Variants in HS6ST3 observed in about 807,000 individuals in gnomAD.
The protein encoded by HS6ST3 is heparan-sulfate 6-O-sulfotransferase 3.
A neutral mutation model predicts 36.7 loss-of-function variants in HS6ST3; 12 were observed. The ratio of observed to expected loss-of-function variants is 0.33; its 90% confidence interval spans 0.21 to 0.53. HS6ST3 has a LOEUF of 0.53. HS6ST3 is among the 20% of genes least tolerant of loss of function. The pLI is 0.95. For missense variants in HS6ST3, 584 were observed against 640.9 expected, an observed-to-expected ratio of 0.91 and a Z score of 0.96; for synonymous variants, 240 against 257.5, an observed-to-expected ratio of 0.93 and a Z score of 0.65.
chr13:96,382,572 A>G (rs1048378582), intron 1 of HS6ST3, among the ~76,000 whole-genome samples: 13 of 152,242 alleles, frequency 8.5e-5, no homozygotes, highest in Admixed American at 3.3e-4. Flanking sequence ...TTATGTGTCA[A>G]CATAGAAAAT....
At chr13:96,094,230 AAATG>A (rs1016009402) in intron 1 of HS6ST3, among the ~76,000 whole-genome samples, 12 of 152,200 alleles carry the variant, frequency 7.9e-5, no homozygotes, top group African/African-American at 2.9e-4. Flanking sequence ...TGTGAGAACT[AAATG>A]AATCAATGCA....
At chr13:96,612,198 T>C (rs1390902375) in intron 1 of HS6ST3, among the ~76,000 whole-genome samples, 1 of 152,100 alleles carries the variant, frequency 6.6e-6, no homozygotes, top group African/African-American at 2.4e-5. Context: ...TGAACTGAAA[T>C]AGGAAACACA....
chr13:96,502,861 C>G (rs1446339759), intron 1 of HS6ST3, among the ~76,000 whole-genome samples: 1 of 152,154 alleles, frequency 6.6e-6, no homozygotes, highest in Non-Finnish European at 1.5e-5. Context: ...TTCCAACATC[C>G]TTAGTGTGGA....
At chr13:96,463,987 C>T in intron 1 of HS6ST3, among the ~76,000 whole-genome samples, 1 of 146,680 alleles carries the variant, frequency 6.8e-6, no homozygotes, top group Non-Finnish European at 1.5e-5. Flanking sequence ...CATATACTAC[C>T]ATTGAATCTG....
At chr13:96,612,029 G>A (rs2138989190) in intron 1 of HS6ST3, among the ~76,000 whole-genome samples, 1 of 152,256 alleles carries the variant, frequency 6.6e-6, no homozygotes, top group East Asian at 1.9e-4. Context: ...AGAGATTGTG[G>A]GGACTTGATT....
At chr13:96,334,328 T>G (rs1396540456) in intron 1 of HS6ST3, among the ~76,000 whole-genome samples, 1 of 152,070 alleles carries the variant, frequency 6.6e-6, no homozygotes, top group Non-Finnish European at 1.5e-5. Context: ...TCTTCCCAAC[T>G]CAAACTCTAT....
intron 1 of HS6ST3, among the ~76,000 whole-genome samples, chr13:96,542,558 C>G (rs997198383): frequency 2.0e-5 from 3 of 152,110 alleles, no homozygotes; most frequent in East Asian, 3.8e-4. Flanking sequence ...CTAATGCAAT[C>G]AAGGGGATTT....
chr13:96,720,438 AC>A (rs1875813853), intron 1 of HS6ST3, among the ~76,000 whole-genome samples: 1 of 151,948 alleles, frequency 6.6e-6, no homozygotes, highest in Non-Finnish European at 1.5e-5. Flanking sequence ...TCATTCTCCC[AC>A]CATCCTTGGG....
At chr13:96,143,343 G>T (rs2054041282) in intron 1 of HS6ST3, among the ~76,000 whole-genome samples, 1 of 150,578 alleles carries the variant, frequency 6.6e-6, no homozygotes. Context: ...CTGATTATCT[G>T]ATATATATTC....
chr13:96,604,156 G>A (rs1270934660), intron 1 of HS6ST3, among the ~76,000 whole-genome samples: 2 of 152,050 alleles, frequency 1.3e-5, no homozygotes, highest in Non-Finnish European at 2.9e-5. Context: ...AACTATAAAC[G>A]GCCATCTGCT....
At chr13:96,697,976 T>C (rs1033126922) in intron 1 of HS6ST3, among the ~76,000 whole-genome samples, 2 of 152,202 alleles carry the variant, frequency 1.3e-5, no homozygotes, top group African/African-American at 2.4e-5. Flanking sequence ...TGAAGTGTTT[T>C]CATATTATTC....
chr13:96,504,066 A>T (rs996420201), intron 1 of HS6ST3, among the ~76,000 whole-genome samples: 4 of 152,198 alleles, frequency 2.6e-5, no homozygotes, highest in Non-Finnish European at 5.9e-5. Context: ...TTCCTCCAAG[A>T]GGCCCTATCT....
intron 1 of HS6ST3, among the ~76,000 whole-genome samples, chr13:96,619,885 TG>T (rs1266937907): frequency 6.6e-6 from 1 of 152,192 alleles, no homozygotes; most frequent in Non-Finnish European, 1.5e-5. Flanking sequence ...AACATATCAG[TG>T]GCAGTATTGG....
intron 1 of HS6ST3, among the ~76,000 whole-genome samples, chr13:96,565,368 A>G (rs2138958298): frequency 6.6e-6 from 1 of 152,206 alleles, no homozygotes; most frequent in Non-Finnish European, 1.5e-5. Context: ...CACCATTTAG[A>G]TCCTCAGATC....
At chr13:96,827,650 C>A (rs1402758163) in intron 1 of HS6ST3, among the ~76,000 whole-genome samples, 1 of 152,122 alleles carries the variant, frequency 6.6e-6, no homozygotes, top group South Asian at 2.1e-4. Context: ...TCAAGTTGTA[C>A]CCCCTTGGCT....
chr13:96,285,699 C>T (rs2054798222), intron 1 of HS6ST3, among the ~76,000 whole-genome samples: 1 of 152,096 alleles, frequency 6.6e-6, no homozygotes, highest in Admixed American at 6.5e-5. Flanking sequence ...AGGTATCTTT[C>T]GATTGCAAGG....
rs138590668 is a variant in HS6ST3, at chr13:96,195,719, T to C, written c.707+104150T>C. 3.8e-3 allele frequency among the ~76,000 whole-genome samples: 577 copies of C among 152,302 alleles called. 1 individual carries two copies. The highest frequency in any genetic ancestry group is 0.024 in the Middle Eastern group (7 of 294). ...GAGCCAGTACCTGAGACGCATTGCT[T>C]GGCTATTTCCGTCAATTATCATCTA... On this transcript the variant is annotated intron_variant, in intron 1 of 1. Transcript: ENST00000376705.
At chr13:96,763,872 A>G (rs917700421) in intron 1 of HS6ST3, among the ~76,000 whole-genome samples, 3 of 152,240 alleles carry the variant, frequency 2.0e-5, no homozygotes, top group Non-Finnish European at 4.4e-5. Flanking sequence ...GTAAGATACA[A>G]ATCATATTGC....
chr13:96,346,463 A>G (rs973642239), intron 1 of HS6ST3, among the ~76,000 whole-genome samples: 12 of 152,076 alleles, frequency 7.9e-5, no homozygotes, highest in East Asian at 3.9e-4. Flanking sequence ...AGTCCTAGCT[A>G]CATTGGGAGG....
Sources: allele counts gnomAD v4.1 joint callset (sites outside exome capture counted in the v4.1 genomes callset), GRCh38; gene constraint gnomAD v4.1.1; transcripts MANE v1.5; gene names NCBI Gene and HGNC (gene_info 2026-07-23, HGNC 2026-07-21).